Variants in CYP39A1 observed in about 807,000 individuals in gnomAD.
CYP39A1 encodes cytochrome P450 family 39 subfamily A member 1, also known as 24-hydroxycholesterol 7-alpha-hydroxylase.
CYP39A1 carries 49 observed loss-of-function variants against 58.1 expected under a neutral mutation model. The observed-to-expected ratio is 0.84, with a 90% CI of 0.67 to 1.07. The LOEUF (loss-of-function observed/expected upper bound fraction) is 1.07. Ranked by LOEUF, CYP39A1 falls within the 50% of genes least tolerant of loss-of-function variation. The pLI is 0.00. For missense variants in CYP39A1, 531 were observed against 539.4 expected (o/e 0.98, Z 0.16); for synonymous variants, 209 against 187.6 (o/e 1.11, Z -0.93).
chr6:46,634,064 T>C (rs1241545298), intron 5 of CYP39A1, among the ~76,000 whole-genome samples: 1 of 152,242 alleles, frequency 6.6e-6, no homozygotes, highest in Non-Finnish European at 1.5e-5. Context: ...AATAATGATA[T>C]GGTTTGGCTA....
intron 7 of CYP39A1, among the ~76,000 whole-genome samples, chr6:46,606,555 A>G (rs2150541313): frequency 6.6e-6 from 1 of 152,222 alleles, no homozygotes; most frequent in East Asian, 1.9e-4. Flanking sequence ...GCTACAGTCT[A>G]ATGGAGACAG....
chr6:46,600,684 A>G (rs1053122991), intron 7 of CYP39A1, among the ~76,000 whole-genome samples: 1 of 152,182 alleles, frequency 6.6e-6, no homozygotes, highest in Non-Finnish European at 1.5e-5. Flanking sequence ...GAACACATGC[A>G]TGTGCCGGAG....
At chr6:46,601,644 T>C (rs182952271) in intron 7 of CYP39A1, among the ~76,000 whole-genome samples, 9 of 151,114 alleles carry the variant, frequency 6.0e-5, no homozygotes, top group Non-Finnish European at 1.2e-4. Context: ...ATAATTGGCA[T>C]GTGGCAAAAT....
rs1441086815 is a variant in CYP39A1 at position 46,571,534 on chromosome 6, C to A, written c.1250+15543G>T. ...TAACGTCTAGTTTGTCTAATCAGAG[C>A]TAACTCTGCTGTCTTTTGGTTTACA... is the stretch of plus-strand genomic sequence containing the variant. On this transcript the variant is annotated intron_variant, in intron 10 of 11. Transcript: ENST00000275016. 2.6e-5 allele frequency among the ~76,000 whole-genome samples: 4 copies of A among 152,126 alleles called. No homozygotes were observed. In the East Asian group the frequency reaches 5.8e-4, roughly 22 times the overall value.
chr6:46,634,909 A>G (rs1309666314), intron 5 of CYP39A1, among the ~76,000 whole-genome samples: 1 of 152,188 alleles, frequency 6.6e-6, no homozygotes, highest in Non-Finnish European at 1.5e-5. Context: ...TTTTATATAC[A>G]TGTGCTTTTG....
rs549684637 is a variant in CYP39A1, at chr6:46,607,139, C to A, written c.932-11019G>T. Among the ~76,000 whole-genome samples the A allele has an allele frequency of 7.2e-5, 11 of 152,166 alleles. No individual in the cohort carries two copies. The South Asian group carries it at 2.1e-3, about 29-fold the overall frequency. ...CTACGCCACATTGCTTCCTCAAAGACAAGAAGGGAATGAGAAACACACGGC... is the reference window on the plus strand; with the variant it reads ...CTACGCCACATTGCTTCCTCAAAGAAAAGAAGGGAATGAGAAACACACGGC... On this transcript the variant is annotated intron_variant, in intron 7 of 11. Transcript: ENST00000275016.
chr6:46,650,414 G>A (rs975020029), intron 1 of CYP39A1, among the ~76,000 whole-genome samples: 5 of 145,388 alleles, frequency 3.4e-5, no homozygotes, highest in African/African-American at 5.0e-5. Context: ...CCAGATTAAG[G>A]GTACAAGAAA....
intron 10 of CYP39A1, among the ~76,000 whole-genome samples, chr6:46,574,669 T>C (rs1387229401): frequency 6.6e-6 from 1 of 152,148 alleles, no homozygotes; most frequent in Non-Finnish European, 1.5e-5. Context: ...CTAAGTGGCC[T>C]TTCTTTCTCT....
At chr6:46,578,342 A>C (rs1771949592) in intron 10 of CYP39A1, among the ~76,000 whole-genome samples, 1 of 152,076 alleles carries the variant, frequency 6.6e-6, no homozygotes, top group African/African-American at 2.4e-5. Context: ...TCAAATTAAC[A>C]ATCTAATATC....
chr6:46,633,914 T>G (rs1234166), intron 5 of CYP39A1, among the ~76,000 whole-genome samples: 3 of 152,160 alleles, frequency 2.0e-5, no homozygotes, highest in African/African-American at 7.2e-5. Flanking sequence ...AAGCTCAGTG[T>G]GAACACTGCT....
At chr6:46,564,771 TC>T (rs1220168104) in intron 10 of CYP39A1, among the ~76,000 whole-genome samples, 1 of 152,188 alleles carries the variant, frequency 6.6e-6, no homozygotes, top group African/African-American at 2.4e-5. Context: ...TGGAAAGCTA[TC>T]ACTGTTGCCA....
chr6:46,594,578 A>G (rs1174305129), intron 8 of CYP39A1, among the ~76,000 whole-genome samples: 1 of 152,090 alleles, frequency 6.6e-6, no homozygotes, highest in East Asian at 1.9e-4. Flanking sequence ...TTTCTTCAAT[A>G]AATGATGTTG....
intron 10 of CYP39A1, among the ~76,000 whole-genome samples, 187 bp from the exon 11 acceptor site, chr6:46,554,041 C>T (rs1022667207): frequency 3.3e-5 from 5 of 152,078 alleles, no homozygotes; most frequent in African/African-American, 7.2e-5. Context: ...CATAGGGTAG[C>T]GGGATGATTA....
At position 46,553,758 on chromosome 6, in the gene CYP39A1, A is replaced by C. The variant is rs781514597; in HGVS notation, c.1338+9T>G. 1.3e-6 allele frequency: 2 copies of C among 1,584,162 alleles called. No individual in the cohort carries two copies. Among genetic ancestry groups the C allele is most frequent in the Admixed American group, 3.4e-5 (2 of 59,226 alleles). On this transcript the variant is annotated intron_variant, in intron 11 of 11. Coordinates refer to ENST00000275016, the MANE Select transcript of CYP39A1 (RefSeq NM_016593.5). ...TAGTCATGATACTCAAAATTCTGAA[A>C]ACACTTACCTGTTTGGGTAATGGGT... is the stretch of plus-strand genomic sequence containing the variant.
chr6:46,647,181 ATGT>A (rs1027465918), intron 1 of CYP39A1, among the ~76,000 whole-genome samples: 31 of 152,192 alleles, frequency 2.0e-4, no homozygotes, highest in East Asian at 1.2e-3. Flanking sequence ...AAATTATGAC[ATGT>A]TGTATTTTTA....
rs1438965767 is a variant in CYP39A1 at position 46,588,168 on chromosome 6, A to G, written c.1066-39T>C. On this transcript the variant is annotated intron_variant, in intron 8 of 11. Transcript: ENST00000275016. ...ATCAGCTGCAAATCATTTTTTTGAA[A>G]TATACTTTAAAGAGAATTTGGGCCA... is the stretch of plus-strand genomic sequence containing the variant. 2.3e-6 allele frequency: 3 copies of G among 1,316,626 alleles called. No individual in the cohort carries two copies. The Admixed American group carries it at 5.7e-5, about 25-fold the overall frequency. The allele number at this position is 1,316,626 out of a possible 1,614,324, so 81.6% of individuals were successfully genotyped here.
chr6:46,644,392 C>G (rs1469261332), intron 1 of CYP39A1, among the ~76,000 whole-genome samples: 2 of 152,102 alleles, frequency 1.3e-5, no homozygotes, highest in Non-Finnish European at 2.9e-5. Flanking sequence ...GCTAGACATG[C>G]CTATAATCCT....
At position 46,639,200 on chromosome 6, in the gene CYP39A1, A is replaced by T. The variant is rs553557470; in HGVS notation, c.488+294T>A. ...AGAAAATCCGTGTAGTTTATACACA[A>T]ATGTATGGAATGACTAAGGATAAAT... is the stretch of plus-strand genomic sequence containing the variant. On this transcript the variant is annotated intron_variant, in intron 3 of 11. Coordinates refer to ENST00000275016, the MANE Select transcript of CYP39A1 (RefSeq NM_016593.5). 7.0e-4 allele frequency among the ~76,000 whole-genome samples: 107 copies of T among 152,344 alleles called. No homozygotes were observed. The South Asian group carries it at 0.021, about 30-fold the overall frequency.
intron 10 of CYP39A1, among the ~76,000 whole-genome samples, chr6:46,561,765 G>T (rs1285764495): frequency 1.3e-5 from 2 of 152,178 alleles, no homozygotes; most frequent in South Asian, 2.1e-4. Context: ...AAAATAATTT[G>T]CTAAGCAAAT....
Sources: allele counts gnomAD v4.1 joint callset (sites outside exome capture counted in the v4.1 genomes callset), GRCh38; gene constraint gnomAD v4.1.1; transcripts MANE v1.5; gene names NCBI Gene and HGNC (gene_info 2026-07-23, HGNC 2026-07-21).